Variants in SMYD3 observed in about 807,000 individuals in gnomAD.
SMYD3 encodes SET and MYND domain containing 3, also known as histone-lysine N-methyltransferase SMYD3.
A neutral mutation model predicts 57.7 loss-of-function variants in SMYD3; 36 were observed. The observed-to-expected ratio is 0.62, with a 90% CI of 0.48 to 0.82. The LOEUF is 0.82. SMYD3 is among the 40% of genes least tolerant of loss of function. SMYD3 has a pLI of 0.00. For missense variants in SMYD3, 515 were observed against 538.8 expected (o/e 0.96, Z 0.44); for synonymous variants, 211 against 195.0 (o/e 1.08, Z -0.68).
intron 7 of SMYD3, among the ~76,000 whole-genome samples, chr1:245,920,157 C>CA (rs2055784034): frequency 2.0e-5 from 3 of 151,878 alleles, no homozygotes; most frequent in African/African-American, 4.8e-5. Context: ...ACTAAAAATA[C>CA]AAAAAATTAG....
intron 5 of SMYD3, among the ~76,000 whole-genome samples, chr1:246,036,026 T>C (rs895402039): frequency 1.3e-5 from 2 of 152,150 alleles, no homozygotes; most frequent in African/African-American, 4.8e-5. Context: ...AAAGTGCAAA[T>C]GACGGAGCAT....
intron 5 of SMYD3, among the ~76,000 whole-genome samples, chr1:245,966,385 TCTTGAACTCCTGGC>T (rs2058149931): frequency 6.6e-6 from 1 of 152,134 alleles, no homozygotes; most frequent in Non-Finnish European, 1.5e-5. Context: ...CCCAGGCTGG[TCTTGAACTCCTGGC>T]CTCAAGAACT....
chr1:245,993,108 T>C (rs1476233290), intron 5 of SMYD3, among the ~76,000 whole-genome samples: 1 of 152,220 alleles, frequency 6.6e-6, no homozygotes, highest in Non-Finnish European at 1.5e-5. Context: ...GCACTCAACG[T>C]TTACTGGGTG....
At chr1:245,812,820 T>C (rs965376028) in intron 10 of SMYD3, among the ~76,000 whole-genome samples, 2 of 151,708 alleles carry the variant, frequency 1.3e-5, no homozygotes, top group Non-Finnish European at 2.9e-5. Flanking sequence ...GAAGGCTTCA[T>C]CATTTATCAG....
intron 11 of SMYD3, among the ~76,000 whole-genome samples, chr1:245,750,091 CA>C (rs1357179530): frequency 6.6e-6 from 1 of 152,246 alleles, no homozygotes; most frequent in East Asian, 1.9e-4. Flanking sequence ...TGTATTCTCA[CA>C]TTTTTTTTCA....
intron 1 of SMYD3, among the ~76,000 whole-genome samples, chr1:246,409,749 C>A (rs917375933): frequency 6.6e-6 from 1 of 152,170 alleles, no homozygotes. Context: ...GGCATTGAAT[C>A]TGTAAATTAC....
intron 5 of SMYD3, among the ~76,000 whole-genome samples, chr1:246,153,003 T>C (rs372401721): frequency 3.3e-5 from 5 of 152,006 alleles, no homozygotes; most frequent in African/African-American, 9.7e-5. Context: ...TTCTGGGGAG[T>C]GTTTCCTCAA....
chr1:245,986,599 T>G (rs2058709285), intron 5 of SMYD3, among the ~76,000 whole-genome samples: 1 of 152,190 alleles, frequency 6.6e-6, no homozygotes, highest in African/African-American at 2.4e-5. Flanking sequence ...CATGTAGCAT[T>G]TGGGCATTTT....
chr1:246,035,164 C>T (rs138215432), intron 5 of SMYD3: 3 of 152,364 alleles, frequency 2.0e-5, no homozygotes, highest in Admixed American at 6.5e-5. Flanking sequence ...GATCCATACA[C>T]TGTCCAACTC....
chr1:246,445,213 C>T (rs1159003110), intron 1 of SMYD3, among the ~76,000 whole-genome samples: 1 of 152,102 alleles, frequency 6.6e-6, no homozygotes, highest in Non-Finnish European at 1.5e-5. Flanking sequence ...AAAATATGTC[C>T]ACCAAACAAT....
chr1:246,413,638 G>A (rs1338638922), intron 1 of SMYD3, among the ~76,000 whole-genome samples: 1 of 152,044 alleles, frequency 6.6e-6, no homozygotes, highest in East Asian at 1.9e-4. Flanking sequence ...ATTTCAAAGT[G>A]TATGATGCCC....
chr1:245,776,591 T>C (rs191164980), intron 10 of SMYD3, among the ~76,000 whole-genome samples: 9 of 152,370 alleles, frequency 5.9e-5, no homozygotes, highest in Middle Eastern at 3.4e-3. Flanking sequence ...TGGTACTTTA[T>C]TGAAATCAAT....
chr1:245,779,764 CAT>C (rs1416415605), intron 10 of SMYD3, among the ~76,000 whole-genome samples: 2 of 152,164 alleles, frequency 1.3e-5, no homozygotes, highest in Non-Finnish European at 2.9e-5. Flanking sequence ...CTGGAACCCT[CAT>C]ATATTGTTAA....
At chr1:245,873,495 C>T (rs918547361) in intron 8 of SMYD3, among the ~76,000 whole-genome samples, 1 of 152,162 alleles carries the variant, frequency 6.6e-6, no homozygotes, top group African/African-American at 2.4e-5. Flanking sequence ...CTGACAATAG[C>T]CATTAAGATA....
intron 1 of SMYD3, among the ~76,000 whole-genome samples, chr1:246,362,991 A>G (rs1444486191): frequency 1.6e-4 from 21 of 131,562 alleles, no homozygotes; most frequent in Admixed American, 4.6e-4. Context: ...GTCTCTGCCC[A>G]GCCGCCATCC....
rs568545869 is a variant in SMYD3, at chr1:246,226,026, T to C, written c.531+101175A>G. On this transcript the variant is annotated intron_variant, in intron 5 of 11. Transcript: ENST00000490107. ...ATCTAGTCACCTTTGACAAGATCGG[T>C]TTCCATAATATGTTTACTTGCTTTT... is the stretch of plus-strand genomic sequence containing the variant. Among the ~76,000 whole-genome samples the C allele has an allele frequency of 1.4e-4, 22 of 152,316 alleles. No individual in the cohort carries two copies. In the East Asian group the frequency reaches 4.2e-3, roughly 29 times the overall value.
intron 10 of SMYD3, among the ~76,000 whole-genome samples, chr1:245,844,492 T>G (rs1023997699): frequency 1.3e-5 from 2 of 152,244 alleles, no homozygotes; most frequent in Non-Finnish European, 2.9e-5. Flanking sequence ...ATCAGCCTAA[T>G]TGCTTATGCA....
intron 5 of SMYD3, among the ~76,000 whole-genome samples, chr1:246,200,561 G>A (rs1269705706): frequency 8.0e-6 from 1 of 125,342 alleles, no homozygotes; most frequent in African/African-American, 5.6e-5. Flanking sequence ...AGAGAAGATA[G>A]AGGAGAACAG....
At chr1:246,029,285 AT>A (rs2059626439) in intron 5 of SMYD3, among the ~76,000 whole-genome samples, 2 of 152,232 alleles carry the variant, frequency 1.3e-5, no homozygotes, top group Non-Finnish European at 2.9e-5. Context: ...GTAGCAATAA[AT>A]ATTTGCAAAT....
Sources: allele counts gnomAD v4.1 joint callset (sites outside exome capture counted in the v4.1 genomes callset), GRCh38; gene constraint gnomAD v4.1.1; transcripts MANE v1.5; gene names NCBI Gene and HGNC (gene_info 2026-07-23, HGNC 2026-07-21).